HADHA: variants seen among roughly 807,000 people sequenced by gnomAD.
HADHA encodes hydroxyacyl-CoA dehydrogenase trifunctional multienzyme complex subunit alpha, also known as trifunctional enzyme subunit alpha, mitochondrial.
Under a neutral mutation model 91.3 loss-of-function variants are expected in HADHA, and 59 were observed. The observed-to-expected ratio is 0.65, with a 90% CI of 0.52 to 0.80. The LOEUF (loss-of-function observed/expected upper bound fraction) is 0.80, where lower values mean the gene tolerates loss of function less well. HADHA is among the 30% of genes least tolerant of loss of function. The probability of loss-of-function intolerance (pLI) is 0.00; values close to 1 mark genes in which losing one functional copy is unlikely to be tolerated. For synonymous variants in HADHA, 320 were observed against 338.9 expected (o/e 0.94, Z 0.61); for missense variants, 800 against 927.6 (o/e 0.86, Z 1.79).
chr2:26,222,959 C>T (rs890711808), intron 7 of HADHA, among the ~76,000 whole-genome samples: 1 of 152,188 alleles, frequency 6.6e-6, no homozygotes, highest in Non-Finnish European at 1.5e-5. Flanking sequence ...ACTTTTCCCA[C>T]AGCCAGGATT....
At chr2:26,239,651 T>C (rs1402328110) in intron 1 of HADHA, among the ~76,000 whole-genome samples, 1 of 151,914 alleles carries the variant, frequency 6.6e-6, no homozygotes, top group Non-Finnish European at 1.5e-5. Flanking sequence ...TATCCCCCAG[T>C]TCCTTATGGA....
intron 5 of HADHA, among the ~76,000 whole-genome samples, chr2:26,233,792 C>G (rs1183698756): frequency 1.3e-5 from 2 of 152,162 alleles, no homozygotes; most frequent in African/African-American, 4.8e-5. Context: ...TAACTAAAAA[C>G]AAAGCTATTT....
chr2:26,191,245 C>A lies in HADHA; in HGVS notation c.*5G>T. 3 of 1,612,222 alleles carry A rather than the reference C, an allele frequency of 1.9e-6. No homozygotes were observed. Among genetic ancestry groups the A allele is most frequent in the Non-Finnish European group, 2.5e-6 (3 of 1,179,932 alleles). ...TGCACTGACTGAGCGAGGCATGAGGCCTGCTCACTGGTAGAACTTCTTGTT... is the reference window on the plus strand; with the variant it reads ...TGCACTGACTGAGCGAGGCATGAGGACTGCTCACTGGTAGAACTTCTTGTT... On this transcript the variant is annotated 3_prime_UTR_variant, in exon 20 of 20. Transcript: ENST00000380649.
In HADHA at chr2:26,239,896, G is replaced by C. The variant is rs557023162; in HGVS notation, c.68-753C>G. ...TTACTAGCTGTGTGACTGTGAACAAGTCTCTTACAAGTGAACTTCAGTGTT... is the reference window on the plus strand; with the variant it reads ...TTACTAGCTGTGTGACTGTGAACAACTCTCTTACAAGTGAACTTCAGTGTT... On this transcript the variant is annotated intron_variant, in intron 1 of 19. Transcript: ENST00000380649. 2.6e-5 allele frequency among the ~76,000 whole-genome samples: 4 copies of C among 152,308 alleles called. No homozygotes were observed. The East Asian group carries it at 5.8e-4, about 22-fold the overall frequency.
intron 7 of HADHA, among the ~76,000 whole-genome samples, chr2:26,225,523 G>A (rs1670466939): frequency 6.6e-6 from 1 of 151,748 alleles, no homozygotes; most frequent in Non-Finnish European, 1.5e-5. Flanking sequence ...CCCTCATGAT[G>A]ACATAAAAAT....
chr2:26,193,827 A>G lies in HADHA; in HGVS notation c.1690-55T>C, dbSNP rs1574602488. 6 of 1,376,440 alleles carry G rather than the reference A, an allele frequency of 4.4e-6. No individual in the cohort carries two copies. The Admixed American group carries it at 8.4e-5, about 19-fold the overall frequency. 85.3% of individuals were successfully genotyped at this position (1,376,440 alleles called of 1,614,324 possible). On this transcript the variant is annotated intron_variant, in intron 16 of 19. Coordinates refer to ENST00000380649, the MANE Select transcript of HADHA (RefSeq NM_000182.5). ...GGGAAGGGCAGCCCAAATCCCCCCA[A>G]AGGGCTCCCTGTACTGGCTCCAAAC...
At position 26,238,118 on chromosome 2, in the gene HADHA, C is replaced by T. The variant is rs528683958; in HGVS notation, c.180+816G>A. 4.8e-4 allele frequency among the ~76,000 whole-genome samples: 73 copies of T among 152,154 alleles called. 1 individual carries two copies. Among genetic ancestry groups the T allele is most frequent in the Admixed American group, 2.0e-3 (30 of 15,260 alleles). ...GAATTCCTAGGCTTAAGTGATCTTT[C>T]CACCTCAGCCTTCAGAGTAGCTAGC... is the stretch of plus-strand genomic sequence containing the variant. On this transcript the variant is annotated intron_variant, in intron 3 of 19. Transcript: ENST00000380649.
At chr2:26,232,009 A>G (rs1444667694) in intron 6 of HADHA, 151 bp downstream of exon 6, 2 of 665,590 alleles carry the variant, frequency 3.0e-6, no homozygotes, top group African/African-American at 3.7e-5. Context: ...TTGAAAAAAT[A>G]AGTACCAGGA....
At chr2:26,232,041 G>T in intron 6 of HADHA, 119 bp downstream of exon 6, 1 of 766,876 alleles carries the variant, frequency 1.3e-6, no homozygotes, top group Non-Finnish European at 2.4e-6. Context: ...CACTGATCCT[G>T]TACACTCATA....
rs545720448 is a variant in HADHA, at chr2:26,240,850, T to C, written c.68-1707A>G. ...CAACAGTTTAAACCATTTTAACTCC[T>C]GTCCACTAACCTACCTATGCTGCCC... On this transcript the variant is annotated intron_variant, in intron 1 of 19. Coordinates refer to ENST00000380649, the MANE Select transcript of HADHA (RefSeq NM_000182.5). Among the ~76,000 whole-genome samples, 32 of 152,318 alleles carry C rather than the reference T, an allele frequency of 2.1e-4. No individual in the cohort carries two copies. The South Asian group carries it at 6.4e-3, about 31-fold the overall frequency.
chr2:26,200,296 G>A (rs1002578415), intron 13 of HADHA, among the ~76,000 whole-genome samples: 3 of 152,016 alleles, frequency 2.0e-5, no homozygotes, highest in Non-Finnish European at 4.4e-5. Flanking sequence ...TTATCCAACT[G>A]TAGACTAGCT....
rs1670560037 is a variant in HADHA at position 26,229,348 on chromosome 2, G to GTGCACACACA, written c.676+843_676+844insTGTGTGTGCA. ...GTGAGACCCCAACATGTGTGCGCGCGCACACACACACACACACACACACAC... is the reference window on the plus strand; with the variant it reads ...GTGAGACCCCAACATGTGTGCGCGCGTGCACACACACACACACACACACACACACACACAC... On this transcript the variant is annotated intron_variant, in intron 7 of 19. Transcript: ENST00000380649. The surrounding 1 kb of genome is among the most constrained non-coding windows in gnomAD (Gnocchi z 4.3). Among the ~76,000 whole-genome samples the GTGCACACACA allele has an allele frequency of 6.8e-6, 1 of 147,520 alleles. No individual in the cohort carries two copies. Among genetic ancestry groups the GTGCACACACA allele is most frequent in the African/African-American group, 2.5e-5 (1 of 39,538 alleles).
chr2:26,206,270 C>A (rs1156273235), intron 11 of HADHA, among the ~76,000 whole-genome samples: 1 of 150,792 alleles, frequency 6.6e-6, no homozygotes, highest in Non-Finnish European at 1.5e-5. Context: ...CTCTTGCCGC[C>A]CAGGGTGGAG....
At chr2:26,192,234 ATGG>A in intron 18 of HADHA, 73 bp downstream of exon 18, 1 of 779,398 alleles carries the variant, frequency 1.3e-6, no homozygotes, top group South Asian at 1.5e-5. Context: ...AAAAAAAAAA[ATGG>A]AAGAGGGGCT....
chr2:26,197,958 T>C (rs573126129), intron 13 of HADHA, among the ~76,000 whole-genome samples, 181 bp from the exon 14 acceptor site: 5 of 152,214 alleles, frequency 3.3e-5, no homozygotes, highest in Admixed American at 6.5e-5. Flanking sequence ...TCGGGGAATA[T>C]GTTGACCTTG....
At position 26,201,381 on chromosome 2, in the gene HADHA, CCAT is replaced by C. The variant is rs1669830542; in HGVS notation, c.1221-64_1221-62del. 2.6e-6 allele frequency: 3 copies of C among 1,168,876 alleles called. No homozygotes were observed. In the African/African-American group the frequency reaches 4.5e-5, roughly 18 times the overall value. 72.4% of individuals were successfully genotyped at this position (1,168,876 alleles called of 1,614,324 possible). Reference sequence around the variant, plus strand: ...AAGGAAACTAACGTTTATTGAATGTCCATGGGCCAGAGCACACCTGTGTTTTTC... The same window carrying C: ...AAGGAAACTAACGTTTATTGAATGTCGGGCCAGAGCACACCTGTGTTTTTC... On this transcript the variant is annotated intron_variant, in intron 12 of 19. Transcript: ENST00000380649.
At chr2:26,209,019 T>C (rs938612835) in intron 11 of HADHA, among the ~76,000 whole-genome samples, 3 of 152,204 alleles carry the variant, frequency 2.0e-5, no homozygotes, top group African/African-American at 7.2e-5. Context: ...GCAGTTCAGC[T>C]AGAACAGCTG....
At chr2:26,219,463 G>C (rs1670319787) in intron 7 of HADHA, among the ~76,000 whole-genome samples, 2 of 152,168 alleles carry the variant, frequency 1.3e-5, no homozygotes, top group Non-Finnish European at 2.9e-5. Context: ...GCAGGAAGAA[G>C]AAAAAAGGAG....
intron 15 of HADHA, 58 bp from the exon 16 acceptor site, chr2:26,194,696 ACT>A (rs1669613022): frequency 1.9e-6 from 2 of 1,076,104 alleles, no homozygotes; most frequent in African/African-American, 1.5e-5. Flanking sequence ...AGTCTGAAAC[ACT>A]CTACCTTTCC....
Sources: gnomAD v4.1 joint callset for allele counts (sites outside exome capture counted in the v4.1 genomes callset) on GRCh38, gnomAD v4.1.1 for gene constraint, Gnocchi (gnomAD v3.1) non-coding constraint, MANE v1.5 for transcripts, NCBI Gene and HGNC (gene_info 2026-07-23, HGNC 2026-07-21) for gene names.